The following GSK3B variants were observed in gnomAD, a reference collection of about 807,000 sequenced individuals.
GSK3B encodes the protein glycogen synthase kinase-3 beta.
Under a neutral mutation model 56.4 loss-of-function variants are expected in GSK3B, and 15 were observed. The ratio of observed to expected loss-of-function variants is 0.27; its 90% CI spans 0.18 to 0.41. GSK3B has a LOEUF of 0.41. Among genes scored for constraint, GSK3B ranks in the 10% least tolerant of loss-of-function variants. The probability of loss-of-function intolerance (pLI) is 1.00; values close to 1 mark genes in which losing one functional copy is unlikely to be tolerated. For synonymous variants in GSK3B, 181 were observed against 188.9 expected (o/e 0.96, Z 0.34); for missense variants, 300 against 513.4 (o/e 0.58, Z 4.02).
At chr3:120,050,360 T>C (rs2058138695) in intron 1 of GSK3B, among the ~76,000 whole-genome samples, 1 of 152,206 alleles carries the variant, frequency 6.6e-6, no homozygotes, top group African/African-American at 2.4e-5. Flanking sequence ...ACCACAGAAG[T>C]TGCATTCTAA....
intron 1 of GSK3B, among the ~76,000 whole-genome samples, chr3:120,008,500 C>A (rs2057749252): frequency 6.6e-6 from 1 of 152,166 alleles, no homozygotes; most frequent in Non-Finnish European, 1.5e-5. Context: ...GGTACTGGTA[C>A]CAAAACAGAT....
chr3:120,032,587 G>A (rs2057986995), intron 1 of GSK3B, among the ~76,000 whole-genome samples: 1 of 152,190 alleles, frequency 6.6e-6, no homozygotes, highest in Non-Finnish European at 1.5e-5. Flanking sequence ...ACTGAGGCAG[G>A]AGGATCACTG....
Position 119,923,459 on chromosome 3 carries a change from C to T in GSK3B, c.391G>A (p.Val131Met). ...EKKDEVYLNL[V>M]LDYVPETVYR... ...ACTGTTTCCGGAACATAGTCCAGCA[C>T]CAGATTAAGATAGACCTCATCTTTC... Residue 131 changes from valine to methionine, a missense_variant, in exon 4 of 11, where the codon GTG (valine) becomes ATG (methionine). By Grantham distance (21) the Val-to-Met change is conservative. Around this residue, in one of 6 missense-constraint regions of GSK3B, gnomAD observed 62 missense variants for 84.0 expected, o/e 0.74. Transcript: ENST00000264235. The T allele has an allele frequency of 1.3e-6, 2 of 1,596,400 alleles. No individual in the cohort carries two copies. Among genetic ancestry groups the T allele is most frequent in the East Asian group, 2.2e-5 (1 of 44,578 alleles).
intron 1 of GSK3B, among the ~76,000 whole-genome samples, chr3:120,081,342 A>T (rs1267213222): frequency 1.3e-5 from 2 of 151,910 alleles, no homozygotes; most frequent in East Asian, 3.9e-4. Context: ...AGATCAGGAG[A>T]TAGAGACCAT....
At chr3:119,884,333 C>G (rs1308429873) in intron 7 of GSK3B, among the ~76,000 whole-genome samples, 2 of 152,124 alleles carry the variant, frequency 1.3e-5, no homozygotes. Flanking sequence ...GCAAGCCGAC[C>G]ATAATCACCT....
intron 1 of GSK3B, among the ~76,000 whole-genome samples, chr3:120,040,796 T>C (rs2058059534): frequency 6.6e-6 from 1 of 151,904 alleles, no homozygotes; most frequent in Non-Finnish European, 1.5e-5. Flanking sequence ...CTACACTGTC[T>C]TCCCCTGCTC....
intron 10 of GSK3B, among the ~76,000 whole-genome samples, chr3:119,827,753 T>G (rs866778619): frequency 6.6e-6 from 1 of 152,110 alleles, no homozygotes; most frequent in Non-Finnish European, 1.5e-5. Context: ...ATGTTCTCAC[T>G]TATTTGTAGG....
At chr3:119,915,423 T>C (rs1376885482) in intron 5 of GSK3B, among the ~76,000 whole-genome samples, 1 of 152,084 alleles carries the variant, frequency 6.6e-6, no homozygotes, top group Non-Finnish European at 1.5e-5. Flanking sequence ...ATACAATCAA[T>C]GAAAAAGTGA....
intron 8 of GSK3B, among the ~76,000 whole-genome samples, chr3:119,873,925 G>A (rs2056276858): frequency 6.6e-6 from 1 of 152,064 alleles, no homozygotes; most frequent in African/African-American, 2.4e-5. Context: ...CAAAAAAGAT[G>A]GGAGAACTGA....
At chr3:119,870,892 C>A (rs1472801346) in intron 8 of GSK3B, among the ~76,000 whole-genome samples, 2 of 152,094 alleles carry the variant, frequency 1.3e-5, no homozygotes, top group Admixed American at 6.6e-5. Flanking sequence ...TTTATGCTTT[C>A]TGGAATACAT....
chr3:119,974,393 C>G (rs10433404), intron 2 of GSK3B, among the ~76,000 whole-genome samples: 36,596 of 151,818 alleles, frequency 0.24, 4,860 homozygotes, highest in East Asian at 0.48. Context: ...GGGAGGTGAT[C>G]ATGCTATGAG....
chr3:119,925,033 AAATTT>A (rs1269106240), intron 3 of GSK3B, among the ~76,000 whole-genome samples: 2 of 152,218 alleles, frequency 1.3e-5, no homozygotes, highest in Non-Finnish European at 2.9e-5. Context: ...GTCATCATCA[AAATTT>A]AATTTGTTAG....
intron 3 of GSK3B, among the ~76,000 whole-genome samples, chr3:119,933,907 A>G (rs749597019): frequency 1.3e-4 from 19 of 151,994 alleles, no homozygotes; most frequent in Non-Finnish European, 2.5e-4. Context: ...TAAATAAAAC[A>G]AAAAAACAAA....
At chr3:120,079,342 ACACACACAT>A (rs771874551) in intron 1 of GSK3B, among the ~76,000 whole-genome samples, 6 of 134,348 alleles carry the variant, frequency 4.5e-5, no homozygotes, top group Admixed American at 2.2e-4. Flanking sequence ...ACACACACAC[ACACACACAT>A]TTTTTTTTTT....
At chr3:120,040,335 T>C (rs1334839391) in intron 1 of GSK3B, among the ~76,000 whole-genome samples, 1 of 152,182 alleles carries the variant, frequency 6.6e-6, no homozygotes, top group Non-Finnish European at 1.5e-5. Context: ...GAGTTTATAC[T>C]GACCCGCCAT....
At position 120,001,769 on chromosome 3, in the gene GSK3B, T is replaced by C. The variant is rs544588550; in HGVS notation, c.282+277A>G. Among the ~76,000 whole-genome samples the C allele has an allele frequency of 4.6e-5, 7 of 152,328 alleles. No homozygotes were observed. The South Asian group carries it at 1.0e-3, about 23-fold the overall frequency. The stretch of plus-strand genomic sequence containing the variant: ...GGTGAGGACAGGTCACTTTTTATAG[T>C]ATAAATTAAGAAATTTTAACTTACC... On this transcript the variant is annotated intron_variant, in intron 2 of 10. Coordinates refer to ENST00000264235, the MANE Select transcript of GSK3B (RefSeq NM_001146156.2).
chr3:120,038,673 C>T (rs1040488003), intron 1 of GSK3B, among the ~76,000 whole-genome samples: 16 of 152,074 alleles, frequency 1.1e-4, no homozygotes, highest in African/African-American at 3.6e-4. Context: ...CAAAAATTCA[C>T]AAAAATTAAA....
At position 119,822,897 on chromosome 3, in the gene GSK3B, A is replaced by G. The variant is rs983817609; in HGVS notation, c.*3891T>C. 4.4e-6 allele frequency: 1 copy of G among 228,576 alleles called. No individual in the cohort carries two copies. Among genetic ancestry groups the G allele is most frequent in the African/African-American group, 2.2e-5 (1 of 45,110 alleles). The allele number at this position is 228,576 out of a possible 1,614,324, so 14.2% of individuals were successfully genotyped here. ...CAAAGTTAAATCCTTTAAAAAGGAA[A>G]GGGAAAAATAGATGAAATGCCAGTG... On this transcript the variant is annotated 3_prime_UTR_variant, in exon 11 of 11. Transcript: ENST00000264235.
chr3:119,909,651 G>A (rs1309117917), intron 6 of GSK3B, among the ~76,000 whole-genome samples: 2 of 152,218 alleles, frequency 1.3e-5, no homozygotes, highest in African/African-American at 4.8e-5. Flanking sequence ...GGTCAATGAT[G>A]ATTAAAGCTA....
Sources: allele counts gnomAD v4.1 joint callset (sites outside exome capture counted in the v4.1 genomes callset), GRCh38; gene constraint gnomAD v4.1.1; regional missense constraint gnomAD v4.1.1; transcripts MANE v1.5; gene names NCBI Gene and HGNC (gene_info 2026-07-23, HGNC 2026-07-21).